The following CNTNAP2 variants were observed in gnomAD, a reference collection of about 807,000 sequenced individuals.
The protein encoded by CNTNAP2 is contactin-associated protein-like 2.
A neutral mutation model predicts 155.2 loss-of-function variants in CNTNAP2; 98 were observed. The observed-to-expected ratio is 0.63, with a 90% CI of 0.54 to 0.75. The LOEUF (loss-of-function observed/expected upper bound fraction) is 0.75, where lower values mean the gene tolerates loss of function less well. CNTNAP2 is among the 30% of genes least tolerant of loss of function. The pLI is 0.00. For synonymous variants in CNTNAP2, 651 were observed against 631.2 expected (o/e 1.03, Z -0.47); for missense variants, 1,727 against 1,688.1 (o/e 1.02, Z -0.40).
chr7:147,867,618 C>G (rs1200745233), intron 13 of CNTNAP2, among the ~76,000 whole-genome samples: 1 of 152,144 alleles, frequency 6.6e-6, no homozygotes, highest in Non-Finnish European at 1.5e-5. Flanking sequence ...TTCACATAGT[C>G]CCATGTTTCT....
chr7:147,979,353 T>C (rs1443963032), intron 15 of CNTNAP2, among the ~76,000 whole-genome samples: 2 of 152,228 alleles, frequency 1.3e-5, no homozygotes, highest in African/African-American at 4.8e-5. Context: ...AAAGCAATAG[T>C]ATATATGCAT....
intron 8 of CNTNAP2, among the ~76,000 whole-genome samples, chr7:147,190,151 G>A (rs1584781814): frequency 6.6e-6 from 1 of 152,108 alleles, no homozygotes; most frequent in Non-Finnish European, 1.5e-5. Context: ...GCTGCAAGAA[G>A]CTCTTCCAGT....
intron 19 of CNTNAP2, among the ~76,000 whole-genome samples, chr7:148,218,012 C>T (rs543948860): frequency 1.3e-5 from 2 of 152,214 alleles, no homozygotes; most frequent in Non-Finnish European, 2.9e-5. Context: ...GTAGTCCCAG[C>T]TACTCAGGAG....
chr7:146,149,655 A>G (rs1798007912), intron 1 of CNTNAP2, among the ~76,000 whole-genome samples: 1 of 152,156 alleles, frequency 6.6e-6, no homozygotes, highest in African/African-American at 2.4e-5. Context: ...TGGAGAAAGG[A>G]AAATTGTTTT....
intron 13 of CNTNAP2, among the ~76,000 whole-genome samples, chr7:147,791,092 T>TTCATTATTTTTGTCTC (rs1411164126): frequency 6.6e-6 from 1 of 152,214 alleles, no homozygotes; most frequent in Non-Finnish European, 1.5e-5. Flanking sequence ...CGTTTTGTCT[T>TTCATTATTTTTGTCTC]TCATTATTTT....
At chr7:146,477,316 A>G (rs1796892518) in intron 1 of CNTNAP2, among the ~76,000 whole-genome samples, 1 of 152,160 alleles carries the variant, frequency 6.6e-6, no homozygotes, top group Non-Finnish European at 1.5e-5. Flanking sequence ...ATGACTGTGA[A>G]GACTCTAACT....
At chr7:148,224,603 A>G (rs1165704093) in intron 19 of CNTNAP2, among the ~76,000 whole-genome samples, 1 of 152,256 alleles carries the variant, frequency 6.6e-6, no homozygotes, top group African/African-American at 2.4e-5. Context: ...ATGACCCAAT[A>G]AAATAATCAG....
At chr7:147,692,617 T>G (rs1282497130) in intron 13 of CNTNAP2, among the ~76,000 whole-genome samples, 1 of 152,122 alleles carries the variant, frequency 6.6e-6, no homozygotes, top group East Asian at 1.9e-4. Flanking sequence ...GAGCATTTTT[T>G]CTTATGCTTA....
In CNTNAP2 at chr7:146,884,340, T is replaced by C. The variant is rs529781899; in HGVS notation, c.402+44436T>C. 8.5e-5 allele frequency among the ~76,000 whole-genome samples: 13 copies of C among 152,286 alleles called. No individual in the cohort carries two copies. The South Asian group carries it at 1.4e-3, about 17-fold the overall frequency. On this transcript the variant is annotated intron_variant, in intron 3 of 23. Transcript: ENST00000361727. ...TGCTTCTTTTCTTGCATATTATTTA[T>C]TTGCAGGTACATTGCAGCTAAAATT...
chr7:147,695,383 G>A (rs1199884904), intron 13 of CNTNAP2, among the ~76,000 whole-genome samples: 2 of 152,132 alleles, frequency 1.3e-5, no homozygotes, highest in Non-Finnish European at 2.9e-5. Context: ...TTCAGCTATG[G>A]CCTTACTGAT....
At chr7:146,846,897 G>T (rs888877602) in intron 3 of CNTNAP2, among the ~76,000 whole-genome samples, 4 of 151,964 alleles carry the variant, frequency 2.6e-5, no homozygotes. Flanking sequence ...AGATAAAATA[G>T]GATATATGTA....
Position 146,785,680 on chromosome 7 carries a change from G to A in CNTNAP2, c.208+11299G>A, listed in dbSNP as rs555394416. 2.0e-5 allele frequency among the ~76,000 whole-genome samples: 3 copies of A among 152,146 alleles called. No homozygotes were observed. The South Asian group carries it at 6.2e-4, about 32-fold the overall frequency. ...TAGCAGATGAGTAACAACAACCAAC[G>A]CAATTATCATCATAAATAAACTAGA... On this transcript the variant is annotated intron_variant, in intron 2 of 23. Coordinates refer to ENST00000361727, the MANE Select transcript of CNTNAP2 (RefSeq NM_014141.6).
At position 147,909,515 on chromosome 7, in the gene CNTNAP2, T is replaced by A. The variant is rs1214296204; in HGVS notation, c.2255+5794T>A. 3.3e-5 allele frequency among the ~76,000 whole-genome samples: 5 copies of A among 152,176 alleles called. No homozygotes were observed. The East Asian group carries it at 9.6e-4, about 29-fold the overall frequency. ...GTGAGTACGATCACCATTTCAATAA[T>A]TGCCTGATTATCTATGCTGGGAGAA... On this transcript the variant is annotated intron_variant, in intron 14 of 23. Transcript: ENST00000361727.
intron 8 of CNTNAP2, among the ~76,000 whole-genome samples, chr7:147,141,143 G>A (rs1801586379): frequency 6.6e-6 from 1 of 152,108 alleles, no homozygotes. Context: ...AAATGGTAAA[G>A]TCATTCTTCT....
At chr7:147,383,848 A>G (rs1255962703) in intron 9 of CNTNAP2, among the ~76,000 whole-genome samples, 5 of 152,120 alleles carry the variant, frequency 3.3e-5, no homozygotes, top group Non-Finnish European at 7.3e-5. Context: ...AGAAAATACC[A>G]TATTCAGAAG....
intron 21 of CNTNAP2, among the ~76,000 whole-genome samples, chr7:148,320,194 G>A (rs6978689): frequency 0.98 from 149,759 of 152,088 alleles, 73,776 homozygotes; most frequent in East Asian, 1. Context: ...TGCCTGGGCC[G>A]TGTCACCAAT....
At chr7:147,466,185 G>T (rs1798116752) in intron 10 of CNTNAP2, among the ~76,000 whole-genome samples, 1 of 152,182 alleles carries the variant, frequency 6.6e-6, no homozygotes. Flanking sequence ...GGAAAAAAGG[G>T]CCTGATCTAA....
At chr7:147,123,256 G>A (rs1801157590) in intron 6 of CNTNAP2, among the ~76,000 whole-genome samples, 1 of 152,198 alleles carries the variant, frequency 6.6e-6, no homozygotes, top group South Asian at 2.1e-4. Flanking sequence ...AGATCTTAAA[G>A]ATGAATTATT....
At position 147,926,034 on chromosome 7, in the gene CNTNAP2, G is replaced by A. The variant is rs533653853; in HGVS notation, c.2255+22313G>A. On this transcript the variant is annotated intron_variant, in intron 14 of 23. Transcript: ENST00000361727. ...GTTAAATAGTATGTAGAAGAATTTA[G>A]GGATGCTGACACTGTGAAAACAAAT... Among the ~76,000 whole-genome samples the A allele has an allele frequency of 1.8e-3, 267 of 152,274 alleles. 1 individual carries two copies. Among genetic ancestry groups the A allele is most frequent in the Middle Eastern group, 6.8e-3 (2 of 294 alleles).
Sources: allele counts gnomAD v4.1 joint callset (sites outside exome capture counted in the v4.1 genomes callset), GRCh38; gene constraint gnomAD v4.1.1; transcripts MANE v1.5; gene names NCBI Gene and HGNC (gene_info 2026-07-23, HGNC 2026-07-21).